DCLK1: variants seen among roughly 807,000 people sequenced by gnomAD.
DCLK1 encodes doublecortin like kinase 1.
Under a neutral mutation model 86.2 loss-of-function variants are expected in DCLK1, and 16 were observed. The observed-to-expected ratio is 0.19, with a 90% confidence interval of 0.13 to 0.28. The LOEUF is 0.28. Among genes scored for constraint, DCLK1 ranks in the 10% least tolerant of loss-of-function variants. The pLI is 1.00. For synonymous variants in DCLK1, 369 were observed against 370.5 expected, an observed-to-expected ratio of 1.00 and a Z score of 0.05; for missense variants, 590 against 940.2, an observed-to-expected ratio of 0.63 and a Z score of 4.87.
intron 7 of DCLK1, among the ~76,000 whole-genome samples, chr13:35,837,755 C>T (rs7327494): frequency 0.25 from 37,602 of 151,686 alleles, 4,927 homozygotes; most frequent in African/African-American, 0.32. Flanking sequence ...AGGTACCTTT[C>T]CTCACTTTTG....
intron 3 of DCLK1, among the ~76,000 whole-genome samples, chr13:35,998,617 C>T (rs184852531): frequency 6.6e-6 from 1 of 152,258 alleles, no homozygotes; most frequent in Non-Finnish European, 1.5e-5. Context: ...TCTCCTTATC[C>T]GTTAGTCTCT....
At chr13:35,996,452 T>C (rs1282669185) in intron 3 of DCLK1, among the ~76,000 whole-genome samples, 1 of 152,220 alleles carries the variant, frequency 6.6e-6, no homozygotes, top group African/African-American at 2.4e-5. Context: ...GAGGGTGTTT[T>C]TAGATGAGAT....
chr13:35,824,784 A>G (rs1221571984), intron 10 of DCLK1, among the ~76,000 whole-genome samples: 1 of 152,090 alleles, frequency 6.6e-6, no homozygotes, highest in African/African-American at 2.4e-5. Flanking sequence ...TTCTGCCCCA[A>G]CCTTCATTCC....
chr13:35,797,535 T>A (rs982755257), intron 15 of DCLK1, among the ~76,000 whole-genome samples: 2 of 152,184 alleles, frequency 1.3e-5, no homozygotes, highest in Non-Finnish European at 2.9e-5. Flanking sequence ...TTAGTTCACA[T>A]TGAAGCAATG....
At chr13:36,070,542 A>C (rs532797380) in intron 3 of DCLK1, among the ~76,000 whole-genome samples, 1 of 152,328 alleles carries the variant, frequency 6.6e-6, no homozygotes, top group African/African-American at 2.4e-5. Context: ...TCTTACTTGC[A>C]AAGTTTCTGC....
intron 3 of DCLK1, among the ~76,000 whole-genome samples, chr13:36,103,269 C>T (rs1233900807): frequency 6.6e-6 from 1 of 151,920 alleles, no homozygotes; most frequent in Admixed American, 6.6e-5. Context: ...GGTGTGGTGG[C>T]ACGCGCCTGT....
intron 4 of DCLK1, among the ~76,000 whole-genome samples, chr13:35,940,704 A>G (rs950945465): frequency 6.6e-6 from 1 of 152,160 alleles, no homozygotes; most frequent in African/African-American, 2.4e-5. Context: ...AATCTTCTAG[A>G]GATTCCCTCC....
chr13:35,966,584 C>T (rs1333377187), intron 3 of DCLK1, among the ~76,000 whole-genome samples: 3 of 146,930 alleles, frequency 2.0e-5, no homozygotes, highest in African/African-American at 7.5e-5. Flanking sequence ...GCCGCCATCT[C>T]GACTCACTGC....
At chr13:35,821,996 G>A (rs1593626977) in intron 11 of DCLK1, among the ~76,000 whole-genome samples, 3 of 151,922 alleles carry the variant, frequency 2.0e-5, no homozygotes, top group Non-Finnish European at 2.9e-5. Context: ...ATGCTAAGGG[G>A]CTAGAGTCTT....
chr13:35,918,154 A>G (rs1228384924), intron 4 of DCLK1, among the ~76,000 whole-genome samples: 1 of 152,236 alleles, frequency 6.6e-6, no homozygotes, highest in Non-Finnish European at 1.5e-5. Flanking sequence ...TATGACTCAT[A>G]AGGCATACAC....
intron 3 of DCLK1, among the ~76,000 whole-genome samples, chr13:36,008,106 G>C (rs1593811938): frequency 1.4e-5 from 2 of 143,598 alleles, no homozygotes; most frequent in African/African-American, 5.1e-5. Context: ...CTACTAACAG[G>C]ATGCTATTTT....
chr13:36,087,594 C>T (rs1234083490), intron 3 of DCLK1, among the ~76,000 whole-genome samples: 2 of 152,066 alleles, frequency 1.3e-5, no homozygotes, highest in Non-Finnish European at 2.9e-5. Context: ...GCAGTTTGGA[C>T]GTGCAAAGAT....
intron 3 of DCLK1, among the ~76,000 whole-genome samples, chr13:36,066,376 G>C (rs908689169): frequency 6.6e-6 from 1 of 152,060 alleles, no homozygotes; most frequent in African/African-American, 2.4e-5. Flanking sequence ...TTCTTTCCTG[G>C]GCTGTAAAAT....
chr13:35,938,847 T>A (rs781736436), intron 4 of DCLK1, among the ~76,000 whole-genome samples: 3 of 152,112 alleles, frequency 2.0e-5, no homozygotes, highest in Non-Finnish European at 4.4e-5. Context: ...ACATCAAAAA[T>A]TCATGTCACT....
intron 2 of DCLK1, among the ~76,000 whole-genome samples, chr13:36,117,366 A>G (rs1885825369): frequency 6.6e-6 from 1 of 152,232 alleles, no homozygotes; most frequent in Non-Finnish European, 1.5e-5. Flanking sequence ...AATGCAAGTT[A>G]AAGCAGATTT....
intron 3 of DCLK1, among the ~76,000 whole-genome samples, chr13:35,993,253 C>T (rs560963950): frequency 1.2e-3 from 184 of 152,286 alleles, no homozygotes; most frequent in African/African-American, 3.8e-3. Flanking sequence ...TCCCTGCCTT[C>T]GATCAATCAC....
chr13:35,863,386 A>G (rs1304905299), intron 5 of DCLK1, among the ~76,000 whole-genome samples: 1 of 152,234 alleles, frequency 6.6e-6, no homozygotes, highest in African/African-American at 2.4e-5. Context: ...AACCTGGGGC[A>G]TTAACTGTGA....
At chr13:36,014,066 T>A (rs915130201) in intron 3 of DCLK1, among the ~76,000 whole-genome samples, 9 of 152,196 alleles carry the variant, frequency 5.9e-5, no homozygotes, top group Non-Finnish European at 1.0e-4. Context: ...CTGCTTCGGC[T>A]CGCGCACGGT....
At chr13:35,897,779 A>G (rs1874092688) in intron 4 of DCLK1, among the ~76,000 whole-genome samples, 1 of 152,216 alleles carries the variant, frequency 6.6e-6, no homozygotes, top group Non-Finnish European at 1.5e-5. Flanking sequence ...AACAACAGCA[A>G]ACTTGATTCA....
Sources: allele counts gnomAD v4.1 joint callset (sites outside exome capture counted in the v4.1 genomes callset), GRCh38; gene constraint gnomAD v4.1.1; transcripts MANE v1.5; gene names NCBI Gene and HGNC (gene_info 2026-07-23, HGNC 2026-07-21).